Variants in GNB4 observed in about 807,000 individuals in gnomAD.
GNB4 encodes guanine nucleotide-binding protein subunit beta-4.
GNB4 carries 28 observed loss-of-function variants against 45.2 expected under a neutral mutation model. The observed-to-expected ratio is 0.62, with a 90% CI of 0.46 to 0.85. GNB4 has a LOEUF of 0.85. GNB4 is among the 40% of genes least tolerant of loss of function. The pLI is 0.00. For missense variants in GNB4, 321 were observed against 425.4 expected (o/e 0.75, Z 2.16); for synonymous variants, 132 against 143.7 (o/e 0.92, Z 0.58).
At chr3:179,496,793 C>A in the GNB4 span, among the ~76,000 whole-genome samples, 1 of 151,964 alleles carries the variant, frequency 6.6e-6, no homozygotes, top group Non-Finnish European at 1.5e-5. Flanking sequence ...AAGGATATAG[C>A]AATTATAAAT....
At chr3:179,479,615 A>AT in the GNB4 span, among the ~76,000 whole-genome samples, 2 of 152,176 alleles carry the variant, frequency 1.3e-5, no homozygotes, top group South Asian at 2.1e-4. Flanking sequence ...ACACACAGTC[A>AT]TTTTGCCAAG....
At chr3:179,485,317 C>A in the GNB4 span, among the ~76,000 whole-genome samples, 468 of 152,122 alleles carry the variant, frequency 3.1e-3, 2 homozygotes, top group African/African-American at 0.01. Context: ...CGGCCCATGG[C>A]AACTTTATAG....
Position 179,401,317 on chromosome 3 carries a change from CA to C in GNB4, c.918del (p.Val307SerfsTer9). 1 of 1,600,940 alleles carries C rather than the reference CA, an allele frequency of 6.2e-7. No homozygotes were observed. Among genetic ancestry groups the C allele is most frequent in the South Asian group, 1.1e-5 (1 of 88,878 alleles). The stretch of plus-strand genomic sequence containing the variant: ...ACACGGTTGTCATGACCAGCAAGGA[CA>C]CCTGAAAAAAAAATTCAGTAAAAAA... ...VWDTLKGDRA[G>X]VLAGHDNRVS... On this transcript the variant is annotated frameshift_variant and splice_region_variant, in exon 10 of 10. Coordinates refer to ENST00000232564, the MANE Select transcript of GNB4 (RefSeq NM_021629.4). LOFTEE classifies it high-confidence loss of function.
At chr3:179,494,243 GAA>G in the GNB4 span, among the ~76,000 whole-genome samples, 1 of 149,206 alleles carries the variant, frequency 6.7e-6, no homozygotes, top group Non-Finnish European at 1.5e-5. Flanking sequence ...CTTAGCTGAA[GAA>G]GAAAGAAAGA....
intron 1 of GNB4, among the ~76,000 whole-genome samples, chr3:179,429,861 C>T (rs751845623): frequency 3.9e-5 from 6 of 152,180 alleles, no homozygotes; most frequent in Admixed American, 2.6e-4. Flanking sequence ...TCTGCTTTTG[C>T]TATCAAATAT....
At chr3:179,457,420 A>G in the GNB4 span, among the ~76,000 whole-genome samples, 1 of 152,206 alleles carries the variant, frequency 6.6e-6, no homozygotes, top group Non-Finnish European at 1.5e-5. Flanking sequence ...CCTAGAATGT[A>G]ATACAGTACT....
chr3:179,417,661 A>G (rs542701847), intron 4 of GNB4, among the ~76,000 whole-genome samples: 49 of 152,328 alleles, frequency 3.2e-4, no homozygotes, highest in African/African-American at 1.2e-3. Context: ...TTCTGGGATT[A>G]CAGGCATGAG....
At chr3:179,484,097 C>T in the GNB4 span, among the ~76,000 whole-genome samples, 1 of 152,222 alleles carries the variant, frequency 6.6e-6, no homozygotes, top group Non-Finnish European at 1.5e-5. Flanking sequence ...GTACACATTT[C>T]AAATTGTGAA....
chr3:179,435,184 G>A (rs1481232134), intron 1 of GNB4, among the ~76,000 whole-genome samples: 1 of 152,088 alleles, frequency 6.6e-6, no homozygotes, highest in Non-Finnish European at 1.5e-5. Flanking sequence ...CTGCCATACG[G>A]CCTCTTTTCA....
chr3:179,505,700 TATA>T, the GNB4 span, among the ~76,000 whole-genome samples: 1 of 152,194 alleles, frequency 6.6e-6, no homozygotes, highest in Admixed American at 6.5e-5. Context: ...TATGTGTCTA[TATA>T]ATGAGTGGAG....
chr3:179,467,553 T>C, the GNB4 span, among the ~76,000 whole-genome samples: 1 of 152,194 alleles, frequency 6.6e-6, no homozygotes, highest in African/African-American at 2.4e-5. Context: ...GTGTCATTTT[T>C]CTTTAAAAAA....
chr3:179,401,712 A>G (rs1164369128), intron 9 of GNB4, among the ~76,000 whole-genome samples: 4 of 152,226 alleles, frequency 2.6e-5, no homozygotes, highest in African/African-American at 7.2e-5. Flanking sequence ...AAGATTTTCA[A>G]TGAAGTTCAC....
intron 1 of GNB4, among the ~76,000 whole-genome samples, chr3:179,450,477 G>T (rs903129854): frequency 4.6e-5 from 7 of 152,144 alleles, no homozygotes; most frequent in African/African-American, 1.7e-4. Flanking sequence ...AATTTTGAAC[G>T]TTTTAAGAAA....
intron 1 of GNB4, among the ~76,000 whole-genome samples, chr3:179,449,328 G>T (rs1715812438): frequency 6.6e-6 from 1 of 152,198 alleles, no homozygotes; most frequent in Admixed American, 6.5e-5. Context: ...ATTTAACTAG[G>T]AGTAGAGTGG....
intron 1 of GNB4, among the ~76,000 whole-genome samples, chr3:179,430,151 T>A (rs1715268063): frequency 6.6e-6 from 1 of 150,954 alleles, no homozygotes; most frequent in Admixed American, 6.6e-5. Context: ...TGGAGTGCAG[T>A]GGTGGTTAAC....
intron 8 of GNB4, among the ~76,000 whole-genome samples, chr3:179,412,916 A>C (rs1471782831): frequency 6.6e-6 from 1 of 152,054 alleles, no homozygotes. Context: ...ACAGTGGCTC[A>C]TGCCTGTAAT....
chr3:179,455,483 G>A (rs545508538), upstream of GNB4, among the ~76,000 whole-genome samples: 18 of 152,270 alleles, frequency 1.2e-4, no homozygotes, highest in African/African-American at 4.1e-4. Context: ...ATTCTAATAC[G>A]ATTGACAAAT....
At chr3:179,471,814 T>TA in the GNB4 span, among the ~76,000 whole-genome samples, 1 of 152,176 alleles carries the variant, frequency 6.6e-6, no homozygotes, top group Non-Finnish European at 1.5e-5. Context: ...GGAGAGAACT[T>TA]AGGTAGCAGA....
At chr3:179,521,175 CCTTCT>C in the GNB4 span, among the ~76,000 whole-genome samples, 1 of 152,144 alleles carries the variant, frequency 6.6e-6, no homozygotes, top group East Asian at 1.9e-4. Flanking sequence ...TCATTTCTTC[CCTTCT>C]GTCAGACATA....
Sources: gnomAD v4.1 joint callset for allele counts (sites outside exome capture counted in the v4.1 genomes callset) on GRCh38, gnomAD v4.1.1 for gene constraint, MANE v1.5 for transcripts, NCBI Gene and HGNC (gene_info 2026-07-23, HGNC 2026-07-21) for gene names.